The following ARHGEF16 variants were observed in gnomAD, a reference collection of about 807,000 sequenced individuals.
ARHGEF16 encodes the protein Rho guanine exchange factor (GEF) 16.
In ARHGEF16, 59 loss-of-function variants were observed where a neutral mutation model predicts 74.1. That is an observed-to-expected ratio of 0.80 (90% CI 0.65 to 0.99). The LOEUF (loss-of-function observed/expected upper bound fraction) is 0.99, where lower values mean the gene tolerates loss of function less well. ARHGEF16 is among the 50% of genes least tolerant of loss of function. The probability of loss-of-function intolerance (pLI) is 0.00; values close to 1 mark genes in which losing one functional copy is unlikely to be tolerated. For synonymous variants in ARHGEF16, 415 were observed against 412.6 expected (o/e 1.01, Z -0.07); for missense variants, 948 against 986.6 (o/e 0.96, Z 0.52).
chr1:3,462,375 G>C (rs1382739364), intron 1 of ARHGEF16, among the ~76,000 whole-genome samples: 1 of 152,214 alleles, frequency 6.6e-6, no homozygotes, highest in East Asian at 1.9e-4. Context: ...GTCCGCGACA[G>C]TCATATCACT....
In ARHGEF16 at chr1:3,471,739, C is replaced by T. The variant is rs576444296; in HGVS notation, c.1023-1339C>T. ...CGGCCTCCTCCCCCAGCTGGGCCCCCGACAGCTCCTGGCATTCACAGTGAA... is the reference window on the plus strand; with the variant it reads ...CGGCCTCCTCCCCCAGCTGGGCCCCTGACAGCTCCTGGCATTCACAGTGAA... On this transcript the variant is annotated intron_variant, in intron 6 of 14. Transcript: ENST00000378378. 244 of 1,209,260 alleles carry T rather than the reference C, an allele frequency of 2.0e-4. 1 individual carries two copies. In the African/African-American group the frequency reaches 3.6e-3, roughly 18 times the overall value. The allele number at this position is 1,209,260 out of a possible 1,614,324, so 74.9% of individuals were successfully genotyped here.
At chr1:3,478,300 T>G (rs1639950963) in intron 11 of ARHGEF16, 124 bp from the exon 12 acceptor site, 1 of 1,142,384 alleles carries the variant, frequency 8.8e-7, no homozygotes, top group Non-Finnish European at 1.3e-6. Context: ...CGGGAACTCT[T>G]GGAGCCCGTC....
chr1:3,476,838 G>A (rs996620774), intron 10 of ARHGEF16, among the ~76,000 whole-genome samples: 1 of 152,102 alleles, frequency 6.6e-6, no homozygotes, highest in Non-Finnish European at 1.5e-5. Context: ...GGGGGCTCCC[G>A]GGGTGGGTCA....
rs78394810 is a variant in ARHGEF16 at position 3,474,611 on chromosome 1, C to T, written c.1306-97C>T. ...GGAGCCCCCTGGGGGCAGCTGTTGA[C>T]CACCCTGCAGCCCCACACGGGGTCT... On this transcript the variant is annotated intron_variant, in intron 8 of 14. Transcript: ENST00000378378. 1.7e-3 allele frequency: 2,018 copies of T among 1,222,042 alleles called. 4 individuals are homozygous for T. Among genetic ancestry groups the T allele is most frequent in the Non-Finnish European group, 2.1e-3 (1,723 of 830,410 alleles). 75.7% of individuals were successfully genotyped at this position (1,222,042 alleles called of 1,614,324 possible).
rs780913205 is a variant in ARHGEF16, at chr1:3,473,169, C to T, written c.1114C>T (p.His372Tyr). The change falls in exon 7 of 15, where the codon CAC (histidine) becomes TAC (tyrosine). Residue 372 changes from histidine to tyrosine, a missense_variant. Physicochemically the swap from His to Tyr is moderately conservative, Grantham distance 83. Transcript: ENST00000378378. Reference sequence around the variant, plus strand: ...GGAGGAGCACGCTGAGAAGCACTTCCACCCCTACATCGCCTACTGCTCCAA... The same window carrying T: ...GGAGGAGCACGCTGAGAAGCACTTCTACCCCTACATCGCCTACTGCTCCAA... ...ILEEHAEKHF[H>Y]PYIAYCSNEV... 3.1e-6 allele frequency: 5 copies of T among 1,613,258 alleles called. No homozygotes were observed. Among genetic ancestry groups the T allele is most frequent in the Non-Finnish European group, 4.2e-6 (5 of 1,179,844 alleles).
intron 1 of ARHGEF16, among the ~76,000 whole-genome samples, chr1:3,457,126 G>T (rs1164658371): frequency 6.6e-6 from 1 of 152,258 alleles, no homozygotes; most frequent in Non-Finnish European, 1.5e-5. Context: ...CAAATCCCTG[G>T]CCACCTTGCA....
At chr1:3,477,495 C>G (rs970769734) in intron 10 of ARHGEF16, among the ~76,000 whole-genome samples, 1 of 149,944 alleles carries the variant, frequency 6.7e-6, no homozygotes, top group Non-Finnish European at 1.5e-5. Flanking sequence ...CCAACCCTCC[C>G]TCGGGGCTGA....
chr1:3,478,179 C>A, intron 11 of ARHGEF16, 153 bp downstream of exon 11: 1 of 1,148,044 alleles, frequency 8.7e-7, no homozygotes, highest in Non-Finnish European at 1.2e-6. Flanking sequence ...ACGTGACACT[C>A]GGGGGCAGGT....
intron 1 of ARHGEF16, among the ~76,000 whole-genome samples, chr1:3,462,169 G>A (rs1639413835): frequency 6.6e-6 from 1 of 152,180 alleles, no homozygotes; most frequent in Non-Finnish European, 1.5e-5. Context: ...CCCGCTCTCT[G>A]CTGGGGGGTG....
intron 1 of ARHGEF16, among the ~76,000 whole-genome samples, chr1:3,455,173 G>C (rs1057502179): frequency 1.4e-4 from 21 of 152,262 alleles, no homozygotes; most frequent in East Asian, 1.9e-4. Context: ...GTTCAGACTT[G>C]AGCGCCGAGG....
intron 11 of ARHGEF16, 187 bp from the exon 12 acceptor site, chr1:3,478,237 C>A: frequency 1.1e-6 from 1 of 897,362 alleles, no homozygotes; most frequent in Non-Finnish European, 1.7e-6. Context: ...CTGGGTCTGC[C>A]GGTGATAGCC....
At chr1:3,471,644 C>T (rs1639726112) in intron 6 of ARHGEF16, 2 of 1,220,542 alleles carry the variant, frequency 1.6e-6, no homozygotes, top group Non-Finnish European at 2.1e-6. Flanking sequence ...GTCCCCTCTG[C>T]CTCAGGCAGC....
chr1:3,467,850 G>C (rs899967200), intron 4 of ARHGEF16, among the ~76,000 whole-genome samples: 2 of 152,104 alleles, frequency 1.3e-5, no homozygotes, highest in African/African-American at 4.8e-5. Flanking sequence ...CAGGTGGACC[G>C]GCATGTGACC....
chr1:3,455,443 G>A (rs1374250418), intron 1 of ARHGEF16, among the ~76,000 whole-genome samples: 2 of 152,260 alleles, frequency 1.3e-5, no homozygotes, highest in East Asian at 3.9e-4. Context: ...GGGGAGGGGT[G>A]CGTCCCACCT....
In ARHGEF16 at chr1:3,480,036, G is replaced by A. The variant is rs1402057185; in HGVS notation, c.1990+123G>A. On this transcript the variant is annotated intron_variant, in intron 14 of 14. Coordinates refer to ENST00000378378, the MANE Select transcript of ARHGEF16 (RefSeq NM_014448.4). ...GCTGACCATGTGCTCACCCTCTCTC[G>A]AGGGCTTCCTCAAAGGGAGCACTCC... 2.8e-5 allele frequency: 27 copies of A among 956,020 alleles called. No homozygotes were observed. The East Asian group carries it at 4.7e-4, about 17-fold the overall frequency. 59.2% of individuals were successfully genotyped at this position (956,020 alleles called of 1,614,324 possible).
chr1:3,468,861 TG>T lies in ARHGEF16; in HGVS notation c.805-16del. 6.5e-7 allele frequency: 1 copy of T among 1,550,330 alleles called. No homozygotes were observed. Among genetic ancestry groups the T allele is most frequent in the South Asian group, 1.2e-5 (1 of 84,060 alleles). On this transcript the variant is annotated intron_variant, in intron 4 of 14. Transcript: ENST00000378378. ...TCTAGGACGTGTGACCGAGAGCTCCTGGGCCTGTGTCCCCCCAGGTGGTGGA... is the reference window on the plus strand; with the variant it reads ...TCTAGGACGTGTGACCGAGAGCTCCTGGCCTGTGTCCCCCCAGGTGGTGGA...
chr1:3,457,301 C>T (rs1161956685), intron 1 of ARHGEF16, among the ~76,000 whole-genome samples: 2 of 152,216 alleles, frequency 1.3e-5, no homozygotes, highest in African/African-American at 2.4e-5. Context: ...CTAGAGAGGC[C>T]GCGCCCCACT....
chr1:3,479,731 A>G, intron 13 of ARHGEF16, 81 bp from the exon 14 acceptor site: 1 of 1,513,672 alleles, frequency 6.6e-7, no homozygotes, highest in Non-Finnish European at 9.1e-7. Flanking sequence ...GCCCCGGGGG[A>G]TGTGTCTGCT....
At chr1:3,472,974 G>A (rs1330068359) in intron 6 of ARHGEF16, 104 bp from the exon 7 acceptor site, 13 of 1,118,674 alleles carry the variant, frequency 1.2e-5, no homozygotes, top group African/African-American at 3.3e-5. Flanking sequence ...CTCCTGCCAC[G>A]TCCATGTATG....
Sources: allele counts gnomAD v4.1 joint callset (sites outside exome capture counted in the v4.1 genomes callset), GRCh38; gene constraint gnomAD v4.1.1; transcripts MANE v1.5; gene names NCBI Gene and HGNC (gene_info 2026-07-23, HGNC 2026-07-21).